GRID2: variants seen among roughly 807,000 people sequenced by gnomAD.
GRID2 encodes glutamate ionotropic receptor delta type subunit 2.
GRID2 carries 33 observed loss-of-function variants against 114.8 expected under a neutral mutation model. That is an observed-to-expected ratio of 0.29 (90% CI 0.22 to 0.38). The LOEUF (loss-of-function observed/expected upper bound fraction) is 0.38, where lower values mean the gene tolerates loss of function less well. Among genes scored for constraint, GRID2 ranks in the 10% least tolerant of loss-of-function variants. The pLI is 1.00. For synonymous variants in GRID2, 505 were observed against 449.9 expected (o/e 1.12, Z -1.55); for missense variants, 1,184 against 1,257.7 (o/e 0.94, Z 0.89).
intron 2 of GRID2, among the ~76,000 whole-genome samples, chr4:92,871,343 A>G (rs1560656182): frequency 1.3e-5 from 2 of 152,220 alleles, no homozygotes; most frequent in East Asian, 3.9e-4. Flanking sequence ...ACAAGTTAAA[A>G]GGTTAAGTAA....
chr4:92,807,975 C>T (rs79490534), intron 2 of GRID2, among the ~76,000 whole-genome samples: 6 of 152,036 alleles, frequency 3.9e-5, no homozygotes, highest in East Asian at 3.9e-4. Context: ...AAGGACTTTA[C>T]GGATATAATT....
At chr4:93,196,327 A>T (rs1432377173) in intron 4 of GRID2, among the ~76,000 whole-genome samples, 1 of 152,208 alleles carries the variant, frequency 6.6e-6, no homozygotes, top group African/African-American at 2.4e-5. Context: ...TGAGAATGAC[A>T]AAACACAAGT....
chr4:92,626,204 A>C (rs1254039348), intron 2 of GRID2, among the ~76,000 whole-genome samples: 1 of 152,044 alleles, frequency 6.6e-6, no homozygotes, highest in African/African-American at 2.4e-5. Flanking sequence ...GGGGGTATCT[A>C]TAATCAGAAC....
chr4:93,614,000 G>T (rs996350175), intron 13 of GRID2, among the ~76,000 whole-genome samples: 1 of 151,990 alleles, frequency 6.6e-6, no homozygotes, highest in African/African-American at 2.4e-5. Flanking sequence ...CCAGGTGTGG[G>T]ATATAGTCTC....
chr4:92,612,485 A>G (rs1729804213), intron 2 of GRID2, among the ~76,000 whole-genome samples: 1 of 151,504 alleles, frequency 6.6e-6, no homozygotes, highest in Non-Finnish European at 1.5e-5. Flanking sequence ...TTGCTGCAAA[A>G]TAGCATGCTG....
intron 1 of GRID2, among the ~76,000 whole-genome samples, chr4:92,325,081 T>C (rs1233241797): frequency 6.6e-6 from 1 of 151,978 alleles, no homozygotes; most frequent in Non-Finnish European, 1.5e-5. Flanking sequence ...TATGTTATAT[T>C]TAGGCACCCA....
chr4:93,455,059 T>C (rs1283360267), intron 10 of GRID2, among the ~76,000 whole-genome samples: 2 of 152,140 alleles, frequency 1.3e-5, no homozygotes, highest in African/African-American at 4.8e-5. Context: ...CTTTCCTTAA[T>C]CATTACTTTT....
rs182330600 is a variant in GRID2, at chr4:92,802,731, A to G, written c.244+212445A>G. ...TCTCTATTATTTTATTCTTCTGAGC[A>G]TGTCATACTGTTTGGTTATAGCAGC... On this transcript the variant is annotated intron_variant, in intron 2 of 15. Transcript: ENST00000282020. Among the ~76,000 whole-genome samples the G allele has an allele frequency of 2.6e-5, 4 of 151,960 alleles. No homozygotes were observed. The East Asian group carries it at 5.9e-4, about 22-fold the overall frequency.
At chr4:93,379,983 G>T (rs1763704453) in intron 8 of GRID2, among the ~76,000 whole-genome samples, 1 of 152,006 alleles carries the variant, frequency 6.6e-6, no homozygotes, top group Non-Finnish European at 1.5e-5. Context: ...ACTAAAATGA[G>T]AATTTATAAA....
intron 8 of GRID2, among the ~76,000 whole-genome samples, chr4:93,244,590 ATC>A (rs1747972495): frequency 1.9e-4 from 6 of 31,758 alleles, no homozygotes; most frequent in African/African-American, 8.0e-4. Context: ...AGATTATATA[ATC>A]TATTATATAT....
intron 2 of GRID2, among the ~76,000 whole-genome samples, chr4:92,593,261 T>A (rs898070673): frequency 6.6e-6 from 1 of 151,858 alleles, no homozygotes; most frequent in Non-Finnish European, 1.5e-5. Flanking sequence ...CACTCAGAGG[T>A]TAGATAAGTA....
intron 2 of GRID2, among the ~76,000 whole-genome samples, chr4:92,888,306 T>C (rs72665206): frequency 0.019 from 2,836 of 152,202 alleles, 37 homozygotes; most frequent in Middle Eastern, 0.041. Context: ...AAGAGGTTTT[T>C]GGGGGGTAGT....
intron 8 of GRID2, among the ~76,000 whole-genome samples, chr4:93,330,528 C>A (rs776645360): frequency 6.6e-6 from 1 of 152,056 alleles, no homozygotes; most frequent in Non-Finnish European, 1.5e-5. Context: ...TTTGTTTTAA[C>A]ACATATTAAT....
chr4:93,137,681 T>A (rs983854155), intron 4 of GRID2, among the ~76,000 whole-genome samples: 1 of 152,122 alleles, frequency 6.6e-6, no homozygotes. Context: ...ATAAAGTATA[T>A]TGTACGTGAA....
At chr4:92,578,116 T>TTCTTC (rs1432026490) in intron 1 of GRID2, among the ~76,000 whole-genome samples, 3 of 122,928 alleles carry the variant, frequency 2.4e-5, no homozygotes, top group African/African-American at 6.2e-5. Context: ...TCTTCTTCTT[T>TTCTTC]TTCTTATTAT....
intron 14 of GRID2, among the ~76,000 whole-genome samples, chr4:93,637,611 A>G (rs917463415): frequency 6.6e-6 from 1 of 152,182 alleles, no homozygotes; most frequent in Non-Finnish European, 1.5e-5. Flanking sequence ...TGGTATGCCA[A>G]TAACAAAGGG....
chr4:92,455,877 G>T (rs1721189967), intron 1 of GRID2, among the ~76,000 whole-genome samples: 2 of 152,146 alleles, frequency 1.3e-5, no homozygotes, highest in Non-Finnish European at 2.9e-5. Flanking sequence ...CGATTTGATT[G>T]ATTAATTACA....
At chr4:93,088,440 C>G (rs1730512646) in intron 3 of GRID2, among the ~76,000 whole-genome samples, 1 of 152,040 alleles carries the variant, frequency 6.6e-6, no homozygotes, top group South Asian at 2.1e-4. Flanking sequence ...CAGTTAACAA[C>G]AGATGTGTCT....
rs187972644 is a variant in GRID2, at chr4:92,306,434, A to G, written c.88+1690A>G. ...ATGTTCTGATAGAGTTCAGAAATGA[A>G]CTATGCTCCTTTTAGAGAAATGGCA... On this transcript the variant is annotated intron_variant, in intron 1 of 15. Coordinates refer to ENST00000282020, the MANE Select transcript of GRID2 (RefSeq NM_001510.4). Among the ~76,000 whole-genome samples, 208 of 152,340 alleles carry G rather than the reference A, an allele frequency of 1.4e-3. 1 individual carries two copies. Among genetic ancestry groups the G allele is most frequent in the Non-Finnish European group, 2.5e-3 (168 of 68,026 alleles).
Sources: allele counts gnomAD v4.1 joint callset (sites outside exome capture counted in the v4.1 genomes callset), GRCh38; gene constraint gnomAD v4.1.1; transcripts MANE v1.5; gene names NCBI Gene and HGNC (gene_info 2026-07-23, HGNC 2026-07-21).